The following RYR3 variants were observed in gnomAD, a reference collection of about 807,000 sequenced individuals.
RYR3 encodes the protein brain ryanodine receptor-calcium release channel.
In RYR3, 207 loss-of-function variants were observed where a neutral mutation model predicts 584.3. The ratio of observed to expected loss-of-function variants is 0.35; its 90% confidence interval spans 0.32 to 0.40. RYR3 has a LOEUF of 0.40. Ranked by LOEUF, RYR3 falls within the 10% of genes least tolerant of loss-of-function variation. RYR3 has a pLI of 1.00. For synonymous variants in RYR3, 2,416 were observed against 2,248.5 expected (o/e 1.07, Z -2.11); for missense variants, 5,616 against 6,089.2 (o/e 0.92, Z 2.59).
intron 3 of RYR3, among the ~76,000 whole-genome samples, chr15:33,516,344 T>TTA (rs2053519747): frequency 6.6e-6 from 1 of 151,646 alleles, no homozygotes; most frequent in Non-Finnish European, 1.5e-5. Context: ...AGATCTACTT[T>TTA]TTTTTTTTTT....
At chr15:33,807,749 A>C (rs1053048464) in intron 70 of RYR3, 180 bp downstream of exon 70, 3 of 637,750 alleles carry the variant, frequency 4.7e-6, no homozygotes. Flanking sequence ...AGGCCTACCC[A>C]CCCTTGGAAT....
intron 1 of RYR3, among the ~76,000 whole-genome samples, chr15:33,380,117 G>A (rs767885796): frequency 1.9e-4 from 29 of 152,178 alleles, no homozygotes; most frequent in Non-Finnish European, 3.2e-4. Flanking sequence ...TCAAATGTCA[G>A]TCTCCTCTGG....
intron 20 of RYR3, among the ~76,000 whole-genome samples, chr15:33,625,660 A>G (rs1213539900): frequency 1.3e-5 from 2 of 152,218 alleles, no homozygotes; most frequent in Admixed American, 6.5e-5. Context: ...TTTGGAGCTT[A>G]TATACCATCT....
chr15:33,755,976 G>A (rs1192628339), intron 58 of RYR3, among the ~76,000 whole-genome samples: 1 of 152,160 alleles, frequency 6.6e-6, no homozygotes, highest in Non-Finnish European at 1.5e-5. Flanking sequence ...GTTTCACCAT[G>A]TTGTCCAGGC....
chr15:33,483,020 ATATT>A (rs1423432143), intron 2 of RYR3, among the ~76,000 whole-genome samples: 4 of 151,660 alleles, frequency 2.6e-5, no homozygotes, highest in East Asian at 1.9e-4. Flanking sequence ...GACCTATTTT[ATATT>A]TATTTATTCC....
rs1045660549 is a variant in RYR3, at chr15:33,830,898, A to G, written c.11335-65A>G. ...GCAGGATTATCATGTACCCTTCCCAAACACCGAGTTTAGCTTCACTGACTG... is the reference window on the plus strand; with the variant it reads ...GCAGGATTATCATGTACCCTTCCCAGACACCGAGTTTAGCTTCACTGACTG... On this transcript the variant is annotated intron_variant, in intron 85 of 103. Coordinates refer to ENST00000634891, the MANE Select transcript of RYR3 (RefSeq NM_001036.6). 5.1e-6 allele frequency: 8 copies of G among 1,561,060 alleles called. No homozygotes were observed. In the African/African-American group the frequency reaches 9.5e-5, roughly 18 times the overall value.
At chr15:33,528,643 G>C (rs1355139745) in intron 3 of RYR3, among the ~76,000 whole-genome samples, 1 of 152,182 alleles carries the variant, frequency 6.6e-6, no homozygotes, top group Admixed American at 6.5e-5. Context: ...AATCCTGACT[G>C]TGAACTTGGA....
At chr15:33,316,667 C>T (rs549985068) in intron 1 of RYR3, among the ~76,000 whole-genome samples, 5 of 152,202 alleles carry the variant, frequency 3.3e-5, no homozygotes, top group East Asian at 3.9e-4. Flanking sequence ...ATAGAACCTG[C>T]GTTAACAGAA....
intron 1 of RYR3, among the ~76,000 whole-genome samples, chr15:33,365,328 G>T (rs1487398052): frequency 6.6e-6 from 1 of 152,202 alleles, no homozygotes; most frequent in Non-Finnish European, 1.5e-5. Context: ...AAGTCAGTCA[G>T]TGAAATCACT....
At chr15:33,331,248 A>G (rs551688075) in intron 1 of RYR3, among the ~76,000 whole-genome samples, 1 of 152,310 alleles carries the variant, frequency 6.6e-6, no homozygotes, top group South Asian at 2.1e-4. Flanking sequence ...TCTTCCAAAT[A>G]TTAATTCTAT....
chr15:33,712,604 T>C (rs746408230), intron 43 of RYR3, among the ~76,000 whole-genome samples: 3 of 152,158 alleles, frequency 2.0e-5, no homozygotes, highest in Non-Finnish European at 4.4e-5. Context: ...AGTCCATTGG[T>C]AGCTCAAATG....
At chr15:33,437,882 C>T (rs1013307575) in intron 1 of RYR3, among the ~76,000 whole-genome samples, 1 of 152,154 alleles carries the variant, frequency 6.6e-6, no homozygotes, top group African/African-American at 2.4e-5. Flanking sequence ...ACAGACCCAC[C>T]TGGCTATTTT....
At chr15:33,837,153 T>C (rs1323195039) in intron 88 of RYR3, among the ~76,000 whole-genome samples, 166 bp downstream of exon 88, 1 of 152,240 alleles carries the variant, frequency 6.6e-6, no homozygotes, top group East Asian at 1.9e-4. Flanking sequence ...GCACCTGGTC[T>C]GACGGACGAA....
At chr15:33,667,930 G>T (rs952807502) in intron 36 of RYR3, among the ~76,000 whole-genome samples, 1 of 151,968 alleles carries the variant, frequency 6.6e-6, no homozygotes, top group Non-Finnish European at 1.5e-5. Flanking sequence ...GAGTGCGGTG[G>T]TGCGCACCTG....
At chr15:33,514,811 T>G (rs542593468) in intron 3 of RYR3, among the ~76,000 whole-genome samples, 2 of 151,830 alleles carry the variant, frequency 1.3e-5, no homozygotes, top group East Asian at 3.9e-4. Flanking sequence ...ACCATCCTGG[T>G]TAACACGGTG....
chr15:33,634,774 A>C (rs2061424507), intron 25 of RYR3, 41 bp downstream of exon 25: 2 of 1,582,258 alleles, frequency 1.3e-6, no homozygotes, highest in Admixed American at 3.3e-5. Context: ...CAGTTTACTA[A>C]ACAGGTCCTC....
intron 30 of RYR3, among the ~76,000 whole-genome samples, chr15:33,647,746 GA>G (rs2062184900): frequency 6.6e-6 from 1 of 152,168 alleles, no homozygotes; most frequent in Non-Finnish European, 1.5e-5. Context: ...CTTTCTGATT[GA>G]AATGAGCATC....
At chr15:33,424,734 G>T (rs2044480864) in intron 1 of RYR3, among the ~76,000 whole-genome samples, 1 of 152,134 alleles carries the variant, frequency 6.6e-6, no homozygotes, top group Non-Finnish European at 1.5e-5. Flanking sequence ...TCACATGGGG[G>T]TTTTTGTGAA....
chr15:33,810,966 C>A lies in RYR3; in HGVS notation c.10198-12C>A. ...GATCTCCGGGAATAAAATCTGACATCTCTTTCCACAGAGGGACACAGATGA... is the reference window on the plus strand; with the variant it reads ...GATCTCCGGGAATAAAATCTGACATATCTTTCCACAGAGGGACACAGATGA... On this transcript the variant is annotated splice_polypyrimidine_tract_variant and intron_variant, in intron 71 of 103. Coordinates refer to ENST00000634891, the MANE Select transcript of RYR3 (RefSeq NM_001036.6). The A allele has an allele frequency of 1.2e-6, 2 of 1,601,838 alleles. No individual in the cohort carries two copies. Among genetic ancestry groups the A allele is most frequent in the Non-Finnish European group, 1.7e-6 (2 of 1,174,066 alleles).
Sources: gnomAD v4.1 joint callset for allele counts (sites outside exome capture counted in the v4.1 genomes callset) on GRCh38, gnomAD v4.1.1 for gene constraint, MANE v1.5 for transcripts, NCBI Gene and HGNC (gene_info 2026-07-23, HGNC 2026-07-21) for gene names.